TFAM: variants seen among roughly 807,000 people sequenced by gnomAD.
TFAM encodes mitochondrial transcription factor 1.
A neutral mutation model predicts 30.6 loss-of-function variants in TFAM; 13 were observed. That is an observed-to-expected ratio of 0.42 (90% CI 0.28 to 0.67). The LOEUF is 0.67. Among genes scored for constraint, TFAM ranks in the 30% least tolerant of loss-of-function variants. The pLI, the probability that TFAM is intolerant of heterozygous loss-of-function variation, is 0.21. For missense variants in TFAM, 231 were observed against 293.7 expected, an observed-to-expected ratio of 0.79 and a Z score of 1.56; for synonymous variants, 106 against 94.8, an observed-to-expected ratio of 1.12 and a Z score of -0.69.
Position 58,395,374 on chromosome 10 carries a change from G to A in TFAM, c.*300G>A, listed in dbSNP as rs1840663711. ...CAGACTATGAAGTTTTTTTTATACAGGATGATGACTATGGAAAGAGTACTC... is the reference window on the plus strand; with the variant it reads ...CAGACTATGAAGTTTTTTTTATACAAGATGATGACTATGGAAAGAGTACTC... On this transcript the variant is annotated 3_prime_UTR_variant, in exon 7 of 7. Coordinates refer to ENST00000487519, the MANE Select transcript of TFAM (RefSeq NM_003201.3). The A allele has an allele frequency of 2.7e-6, 1 of 372,358 alleles. No homozygotes were observed. Among genetic ancestry groups the A allele is most frequent in the Admixed American group, 4.3e-5 (1 of 23,196 alleles). The allele number at this position is 372,358 out of a possible 1,614,324, so 23.1% of individuals were successfully genotyped here. A position where few individuals can be genotyped will look rare whatever the true frequency, so the allele number is the denominator to read the frequency against.
chr10:58,398,617 AAAAT>A lies in TFAM; in HGVS notation c.*3545_*3548del, dbSNP rs1840732719. 6.6e-6 allele frequency: 1 copy of A among 152,184 alleles called. No homozygotes were observed. Among genetic ancestry groups the A allele is most frequent in the Admixed American group, 6.5e-5 (1 of 15,282 alleles). The allele number at this position is 152,184 out of a possible 1,614,324, so 9.4% of individuals were successfully genotyped here. On this transcript the variant is annotated 3_prime_UTR_variant, in exon 7 of 7. Transcript: ENST00000487519. ...TATATTTAGATTTCTGAATTGAAAA[AAAAT>A]AGCGTACAATAAGTAGATTTAAAGT...
chr10:58,395,518 G>C lies in TFAM; in HGVS notation c.*444G>C. ...TCATAAAGCAGGCAGAACTCATCTA[G>C]GTAAATTACAGTTCCTAGGTATAAT... is the stretch of plus-strand genomic sequence containing the variant. On this transcript the variant is annotated 3_prime_UTR_variant, in exon 7 of 7. Transcript: ENST00000487519. The C allele has an allele frequency of 4.0e-6, 1 of 248,364 alleles. No homozygotes were observed. Among genetic ancestry groups the C allele is most frequent in the Non-Finnish European group, 7.6e-6 (1 of 130,878 alleles). 15.4% of individuals were successfully genotyped at this position (248,364 alleles called of 1,614,324 possible).
At chr10:58,393,203 A>T (rs750750852) in intron 5 of TFAM, among the ~76,000 whole-genome samples, 2 of 151,444 alleles carry the variant, frequency 1.3e-5, no homozygotes, top group Non-Finnish European at 2.9e-5. Flanking sequence ...CTGGTCTCGA[A>T]CTCCTGACCT....
At chr10:58,386,388 T>C in intron 2 of TFAM, 50 bp downstream of exon 2, 3 of 1,299,500 alleles carry the variant, frequency 2.3e-6, no homozygotes, top group South Asian at 1.2e-5. Flanking sequence ...AAAAATGCCA[T>C]TAAGCAGTTA....
intron 2 of TFAM, chr10:58,386,774 C>A: frequency 1.1e-6 from 1 of 873,220 alleles, no homozygotes; most frequent in Non-Finnish European, 1.4e-6. Context: ...CAAGAGCTTT[C>A]AAGATAAGAA....
chr10:58,394,904 T>G, intron 6 of TFAM, 24 bp from the exon 7 acceptor site: 1 of 1,602,062 alleles, frequency 6.2e-7, no homozygotes, highest in Non-Finnish European at 8.5e-7. Context: ...AGTAAATCAT[T>G]TTAACAGTTA....
chr10:58,386,036 T>G (rs1840482353), intron 1 of TFAM, among the ~76,000 whole-genome samples, 184 bp from the exon 2 acceptor site: 1 of 152,168 alleles, frequency 6.6e-6, no homozygotes. Context: ...CTTTGAGACT[T>G]CAGTCCTGCA....
In TFAM at chr10:58,386,893, T is replaced by G. The variant is rs543072044; in HGVS notation, c.220+555T>G. ...TGTAAAGGATAAATCCTTTCTTGTC[T>G]TGGGTTCCTAAAAAAAAAACATTTC... is the stretch of plus-strand genomic sequence containing the variant. On this transcript the variant is annotated intron_variant, in intron 2 of 6. Transcript: ENST00000487519. Among the ~76,000 whole-genome samples the G allele has an allele frequency of 1.8e-4, 28 of 152,252 alleles. No homozygotes were observed. In the South Asian group the frequency reaches 4.8e-3, roughly 26 times the overall value.
Position 58,395,360 on chromosome 10 carries a change from G to T in TFAM, c.*286G>T, listed in dbSNP as rs1049432. The T allele has an allele frequency of 0.18, 71,723 of 388,270 alleles. 6,923 individuals carry two copies. Among genetic ancestry groups the T allele is most frequent in the African/African-American group, 0.27 (13,019 of 48,980 alleles). The allele number at this position is 388,270 out of a possible 1,614,324, so 24.1% of individuals were successfully genotyped here. On this transcript the variant is annotated 3_prime_UTR_variant, in exon 7 of 7. Transcript: ENST00000487519. ...TGACAAAGGTAAATCAGACTATGAA[G>T]TTTTTTTTATACAGGATGATGACTA...
In TFAM at chr10:58,385,867, T is replaced by G. The variant is rs1158150966; in HGVS notation, c.101+219T>G. ...ACCTTCTTGCTACCCTCCACTCGCTTCTCCCATCCCTCCTCACTGTCCAGC... is the reference window on the plus strand; with the variant it reads ...ACCTTCTTGCTACCCTCCACTCGCTGCTCCCATCCCTCCTCACTGTCCAGC... On this transcript the variant is annotated intron_variant, in intron 1 of 6. Transcript: ENST00000487519. Among the ~76,000 whole-genome samples the G allele has an allele frequency of 2.0e-5, 3 of 152,128 alleles. No homozygotes were observed. In the East Asian group the frequency reaches 5.8e-4, roughly 29 times the overall value.
intron 2 of TFAM, chr10:58,386,752 T>TCTTA (rs1181364515): frequency 5.2e-6 from 5 of 962,124 alleles, no homozygotes; most frequent in Non-Finnish European, 6.3e-6. Context: ...CTATGCAATT[T>TCTTA]ACTGCTAATT....
At chr10:58,394,860 G>A (rs927282799) in intron 6 of TFAM, 68 bp from the exon 7 acceptor site, 11 of 1,466,666 alleles carry the variant, frequency 7.5e-6, no homozygotes, top group Non-Finnish European at 8.4e-6. Flanking sequence ...GAAATTAATT[G>A]CTATTTTAAA....
intron 1 of TFAM, among the ~76,000 whole-genome samples, chr10:58,385,899 T>C (rs752596190): frequency 2.0e-5 from 3 of 152,150 alleles, no homozygotes; most frequent in South Asian, 2.1e-4. Flanking sequence ...CAGCTTTGGA[T>C]CCTTTCCGCC....
In TFAM at chr10:58,395,036, A is replaced by G. The variant is rs1243163153; in HGVS notation, c.703A>G (p.Ile235Val). ...VGRKDLLRRT[I>V]KKQRKYGAEE... ...ACGAAAGGATCTTCTACGTCGCACAATAAAGAAACAACGAAAATATGGTGC... is the reference window on the plus strand; with the variant it reads ...ACGAAAGGATCTTCTACGTCGCACAGTAAAGAAACAACGAAAATATGGTGC... The change falls in exon 7 of 7, where the codon ATA (isoleucine) becomes GTA (valine). Residue 235 changes from isoleucine to valine, a missense_variant. Transcript: ENST00000487519. 6 of 1,613,794 alleles carry G rather than the reference A, an allele frequency of 3.7e-6. No homozygotes were observed. The highest frequency in any genetic ancestry group is 1.1e-5 in the South Asian group (1 of 91,062).
Position 58,385,458 on chromosome 10 carries a change from A to T in TFAM, c.-90A>T. ...ATGATAACACACGCCGGAGGGTCGC[A>T]CGCGGGTTCCAGTTGTGATTGCTGG... On this transcript the variant is annotated 5_prime_UTR_variant, in exon 1 of 7. Coordinates refer to ENST00000487519, the MANE Select transcript of TFAM (RefSeq NM_003201.3). 2.1e-6 allele frequency: 2 copies of T among 975,296 alleles called. No individual in the cohort carries two copies. Among genetic ancestry groups the T allele is most frequent in the South Asian group, 2.7e-5 (2 of 72,734 alleles). The allele number at this position is 975,296 out of a possible 1,614,324, so 60.4% of individuals were successfully genotyped here. A position where few individuals can be genotyped will look rare whatever the true frequency, so the allele number is the denominator to read the frequency against.
At chr10:58,393,259 G>C (rs547722774) in intron 5 of TFAM, among the ~76,000 whole-genome samples, 1 of 151,950 alleles carries the variant, frequency 6.6e-6, no homozygotes, top group African/African-American at 2.4e-5. Context: ...GATTACAGGC[G>C]TGAGCCACCA....
At position 58,394,399 on chromosome 10, in the gene TFAM, T is replaced by G; in HGVS notation, c.579T>G (p.Ser193=). Residue 193 remains serine, a synonymous_variant, in exon 6 of 7, where the codon TCT becomes TCG. Coordinates refer to ENST00000487519, the MANE Select transcript of TFAM (RefSeq NM_003201.3). ...KTVKENWKNL[S]DSEKELYIQH... Reference sequence around the variant, plus strand: ...TAAAGGAAAACTGGAAAAATCTGTCTGACTCTGAAAAGGAAGTGAGTATTA... The same window carrying G: ...TAAAGGAAAACTGGAAAAATCTGTCGGACTCTGAAAAGGAAGTGAGTATTA... The G allele has an allele frequency of 6.2e-7, 1 of 1,613,706 alleles. No homozygotes were observed. Among genetic ancestry groups the G allele is most frequent in the Non-Finnish European group, 8.5e-7 (1 of 1,179,682 alleles).
chr10:58,386,427 G>A (rs534755051), intron 2 of TFAM, 89 bp downstream of exon 2: 8 of 956,344 alleles, frequency 8.4e-6, no homozygotes, highest in South Asian at 5.2e-5. Flanking sequence ...CAGTGCTAAA[G>A]CATTCAGTGA....
Position 58,388,585 on chromosome 10 carries a change from G to T in TFAM, c.292-85G>T, listed in dbSNP as rs1251761763. The T allele has an allele frequency of 7.0e-6, 10 of 1,421,932 alleles. No homozygotes were observed. In the Admixed American group the frequency reaches 1.5e-4, roughly 21 times the overall value. The allele number at this position is 1,421,932 out of a possible 1,614,324, so 88.1% of individuals were successfully genotyped here. ...TGGTGATAAAATCTGTCTGTCTGAA[G>T]TCATGCAGTTGCCTTTCCCTGGCAT... On this transcript the variant is annotated intron_variant, in intron 3 of 6. Coordinates refer to ENST00000487519, the MANE Select transcript of TFAM (RefSeq NM_003201.3).
Sources: gnomAD v4.1 joint callset for allele counts (sites outside exome capture counted in the v4.1 genomes callset) on GRCh38, gnomAD v4.1.1 for gene constraint, MANE v1.5 for transcripts, NCBI Gene and HGNC (gene_info 2026-07-23, HGNC 2026-07-21) for gene names.